NEK10: variants seen among roughly 807,000 people sequenced by gnomAD.
NEK10 encodes serine/threonine-protein kinase Nek10.
Under a neutral mutation model 159.8 loss-of-function variants are expected in NEK10, and 122 were observed. That is an observed-to-expected ratio of 0.76 (90% CI 0.66 to 0.89). NEK10 has a LOEUF of 0.89. Among genes scored for constraint, NEK10 ranks in the 40% least tolerant of loss-of-function variants. NEK10 has a pLI of 0.00. For missense variants in NEK10, 1,342 were observed against 1,323.1 expected (o/e 1.01, Z -0.22); for synonymous variants, 466 against 457.1 (o/e 1.02, Z -0.25).
chr3:27,142,107 T>C (rs1192244282), intron 30 of NEK10, among the ~76,000 whole-genome samples: 2 of 152,198 alleles, frequency 1.3e-5, no homozygotes, highest in African/African-American at 2.4e-5. Context: ...TTACAAATTA[T>C]AATTTTCACA....
At position 27,284,854 on chromosome 3, in the gene NEK10, T is replaced by C; in HGVS notation, c.1897A>G (p.Lys633Glu). ...HHHFTEERLW[K>E]IFIQLCLALR... ...TAAAAGCATACCTGTATAAATATTT[T>C]CCATAGTCTTTCTTCAGTAAAATGG... is the stretch of plus-strand genomic sequence containing the variant. The change falls in exon 21 of 36, where the codon AAA becomes GAA. Residue 633 changes from lysine (K) to glutamate (E), a missense_variant. Physicochemically the swap from Lys to Glu is moderately conservative, Grantham distance 56. Transcript: ENST00000691995. The C allele has an allele frequency of 1.9e-6, 3 of 1,583,650 alleles. No individual in the cohort carries two copies. The highest frequency in any genetic ancestry group is 1.7e-6 in the Non-Finnish European group (2 of 1,153,572).
chr3:27,284,201 C>A (rs1379768818), intron 22 of NEK10, among the ~76,000 whole-genome samples: 2 of 152,128 alleles, frequency 1.3e-5, no homozygotes, highest in Non-Finnish European at 2.9e-5. Flanking sequence ...GCCTGGCCAA[C>A]ATGGTGAAAC....
intron 30 of NEK10, among the ~76,000 whole-genome samples, chr3:27,146,458 G>A (rs1236156072): frequency 1.3e-5 from 2 of 152,124 alleles, no homozygotes; most frequent in African/African-American, 2.4e-5. Flanking sequence ...GGAAATCCAT[G>A]AAGAAGCAAA....
Position 27,346,168 on chromosome 3 carries a change from C to T in NEK10, c.181G>A (p.Glu61Lys), listed in dbSNP as rs1402445860. 1 of 1,613,500 alleles carries T rather than the reference C, an allele frequency of 6.2e-7. No homozygotes were observed. Among genetic ancestry groups the T allele is most frequent in the African/African-American group, 1.3e-5 (1 of 74,916 alleles). ...DSAQNSMTKS[E>K]PAIRAGGHRA... is the part of the protein sequence containing the mutation. ...TGTCCACCCGCCCTGATGGCGGGCTCAGACTTCGTCATGCTATTTTGGGCA... is the reference window on the plus strand; with the variant it reads ...TGTCCACCCGCCCTGATGGCGGGCTTAGACTTCGTCATGCTATTTTGGGCA... Residue 61 changes from glutamate (E) to lysine (K), a missense_variant, in exon 4 of 36, where the codon GAG becomes AAG. Glu to Lys is a moderately conservative substitution (Grantham distance 56). Coordinates refer to ENST00000691995, the MANE Select transcript of NEK10 (RefSeq NM_001394966.1).
intron 1 of NEK10, among the ~76,000 whole-genome samples, chr3:27,355,534 C>A (rs2048273206): frequency 6.6e-6 from 1 of 151,948 alleles, no homozygotes; most frequent in Non-Finnish European, 1.5e-5. Flanking sequence ...TCCTCTCTTT[C>A]CTCTACCTCC....
intron 19 of NEK10, 63 bp downstream of exon 19, chr3:27,290,553 CT>C: frequency 8.2e-7 from 1 of 1,225,262 alleles, no homozygotes; most frequent in Non-Finnish European, 1.1e-6. Flanking sequence ...AGCACCACAA[CT>C]CTACTTTCTT....
chr3:27,315,310 A>G (rs2045068572), intron 6 of NEK10, among the ~76,000 whole-genome samples: 1 of 152,202 alleles, frequency 6.6e-6, no homozygotes, highest in Admixed American at 6.5e-5. Context: ...GTGAGTGGGC[A>G]GACTGGGAAA....
intron 3 of NEK10, among the ~76,000 whole-genome samples, chr3:27,347,655 T>A (rs994330229): frequency 6.6e-6 from 1 of 152,162 alleles, no homozygotes; most frequent in South Asian, 2.1e-4. Context: ...TTTTATCATA[T>A]GCCAGCCACA....
intron 22 of NEK10, among the ~76,000 whole-genome samples, chr3:27,269,304 C>T (rs764916596): frequency 4.6e-5 from 7 of 152,142 alleles, no homozygotes; most frequent in African/African-American, 1.7e-4. Context: ...GGGTAAAATG[C>T]TATCAAACAG....
intron 33 of NEK10, 92 bp from the exon 34 acceptor site, chr3:27,116,219 A>G (rs939512055): frequency 3.6e-6 from 4 of 1,098,380 alleles, no homozygotes; most frequent in Admixed American, 4.0e-5. Context: ...CCACAGGGCA[A>G]ACAGGTCAAT....
chr3:27,132,147 A>C (rs1942695554), intron 31 of NEK10, among the ~76,000 whole-genome samples, 157 bp from the exon 32 acceptor site: 1 of 152,194 alleles, frequency 6.6e-6, no homozygotes. Context: ...AGATGCTATA[A>C]TTTTTACCCT....
intron 23 of NEK10, among the ~76,000 whole-genome samples, chr3:27,216,213 G>A (rs1415762081): frequency 6.6e-6 from 1 of 152,154 alleles, no homozygotes; most frequent in East Asian, 1.9e-4. Flanking sequence ...AAGAACCCCT[G>A]CCCAAGAGAA....
chr3:27,295,476 T>C (rs879405247), intron 15 of NEK10, 137 bp downstream of exon 15: 2 of 1,008,556 alleles, frequency 2.0e-6, no homozygotes, highest in African/African-American at 1.7e-5. Context: ...CCAGTCTTCC[T>C]TGCCAGATAT....
intron 19 of NEK10, 47 bp from the exon 20 acceptor site, chr3:27,287,790 C>A: frequency 6.8e-7 from 1 of 1,472,146 alleles, no homozygotes; most frequent in South Asian, 1.4e-5. Flanking sequence ...CTTCAAAATA[C>A]AAGTTTTTTC....
chr3:27,199,017 G>A (rs1219740218), intron 25 of NEK10, among the ~76,000 whole-genome samples: 1 of 145,588 alleles, frequency 6.9e-6, no homozygotes, highest in Non-Finnish European at 1.5e-5. Flanking sequence ...AGGTTGCAGT[G>A]AGCCGAGATC....
At chr3:27,127,684 ACTCT>A (rs1214340636) in intron 32 of NEK10, among the ~76,000 whole-genome samples, 1 of 152,076 alleles carries the variant, frequency 6.6e-6, no homozygotes, top group African/African-American at 2.4e-5. Flanking sequence ...GTGGTGCATG[ACTCT>A]CTAACAAATA....
chr3:27,201,425 C>A (rs1950029706), intron 25 of NEK10, 85 bp downstream of exon 25: 7 of 1,160,900 alleles, frequency 6.0e-6, no homozygotes, highest in Middle Eastern at 2.0e-4. Context: ...CTCTTCATGA[C>A]CTTTTATCCA....
intron 25 of NEK10, among the ~76,000 whole-genome samples, chr3:27,199,029 C>T (rs940884886): frequency 9.5e-5 from 14 of 147,860 alleles, no homozygotes; most frequent in African/African-American, 3.0e-4. Context: ...GCCGAGATCA[C>T]ACCACTGCAC....
At chr3:27,143,081 G>A (rs1177388165) in intron 30 of NEK10, among the ~76,000 whole-genome samples, 1 of 152,142 alleles carries the variant, frequency 6.6e-6, no homozygotes, top group Non-Finnish European at 1.5e-5. Context: ...AAAACAGAGA[G>A]CTGGAGTTGT....
Sources: allele counts gnomAD v4.1 joint callset (sites outside exome capture counted in the v4.1 genomes callset), GRCh38; gene constraint gnomAD v4.1.1; transcripts MANE v1.5; gene names NCBI Gene and HGNC (gene_info 2026-07-23, HGNC 2026-07-21).